The following CIROZ variants were observed in gnomAD, a reference collection of about 807,000 sequenced individuals.
CIROZ encodes the protein ciliated left-right organizer protein containing ZP-N domains, also known as ciliated left-right organizer ZP-N domains-containing protein.
the CIROZ span, among the ~76,000 whole-genome samples, chr1:10,971,290 T>C: frequency 6.6e-6 from 1 of 151,314 alleles, no homozygotes; most frequent in East Asian, 2.0e-4. Context: ...TGGTCACCCC[T>C]GACCCCAGCC....
the CIROZ span, among the ~76,000 whole-genome samples, chr1:10,950,991 C>T: frequency 1.3e-5 from 2 of 152,152 alleles, no homozygotes; most frequent in African/African-American, 2.4e-5. Context: ...CCAGGATTCT[C>T]CACCACTCCC....
chr1:10,951,745 A>AAAAATAT, the CIROZ span, among the ~76,000 whole-genome samples: 49 of 119,180 alleles, frequency 4.1e-4, no homozygotes, highest in South Asian at 2.0e-3. Context: ...AAAAAAAAAA[A>AAAAATAT]ATATATATAT....
chr1:10,961,269 C>T, the CIROZ span, among the ~76,000 whole-genome samples: 2 of 152,066 alleles, frequency 1.3e-5, no homozygotes, highest in Non-Finnish European at 1.5e-5. Flanking sequence ...CCCTGGCAGC[C>T]CTGCTTGGGG....
chr1:10,960,314 G>A, the CIROZ span, among the ~76,000 whole-genome samples: 6 of 152,290 alleles, frequency 3.9e-5, no homozygotes, highest in South Asian at 1.2e-3. The surrounding 1 kb of genome is among the most constrained non-coding windows in gnomAD (Gnocchi z 4.6). Flanking sequence ...TGAGGCACGA[G>A]GTTCGCTTCA....
chr1:10,954,408 C>T, the CIROZ span, among the ~76,000 whole-genome samples: 61 of 149,764 alleles, frequency 4.1e-4, no homozygotes, highest in East Asian at 6.1e-3. Context: ...GAGCCGAGAT[C>T]GCGCCACTGC....
At chr1:10,964,071 G>A in the CIROZ span, 2 of 1,595,500 alleles carry the variant, frequency 1.3e-6, no homozygotes, top group African/African-American at 2.7e-5. Context: ...GGCCTTTAGA[G>A]AGAAGCCCAG....
chr1:10,981,073 C>G, the CIROZ span, among the ~76,000 whole-genome samples: 1 of 152,240 alleles, frequency 6.6e-6, no homozygotes, highest in Admixed American at 6.5e-5. Context: ...GGCTTCACTT[C>G]CCACTCTCAG....
chr1:10,957,582 C>T, the CIROZ span: 1 of 1,610,340 alleles, frequency 6.2e-7, no homozygotes, highest in Non-Finnish European at 8.5e-7. Flanking sequence ...AGAGGCCCCT[C>T]ACCTCCTGGC....
the CIROZ span, among the ~76,000 whole-genome samples, chr1:10,955,825 C>T: frequency 8.9e-6 from 1 of 112,504 alleles, no homozygotes; most frequent in Non-Finnish European, 1.8e-5. Flanking sequence ...ACCTGGGCAA[C>T]AAGAGTGAAA....
At chr1:10,972,739 G>A in the CIROZ span, among the ~76,000 whole-genome samples, 1 of 152,036 alleles carries the variant, frequency 6.6e-6, no homozygotes, top group Admixed American at 6.6e-5. Context: ...GCCCCTCCTG[G>A]GTGAAAGCAA....
the CIROZ span, chr1:10,964,369 A>C: frequency 7.4e-7 from 1 of 1,352,320 alleles, no homozygotes; most frequent in African/African-American, 1.5e-5. Context: ...CAAATAGGAC[A>C]CCATGAACCT....
At chr1:10,950,936 TA>T in the CIROZ span, among the ~76,000 whole-genome samples, 3 of 152,350 alleles carry the variant, frequency 2.0e-5, no homozygotes, top group African/African-American at 7.2e-5. Context: ...CAGCTCCAGC[TA>T]AGCGAGGCTG....
chr1:10,955,077 T>C, the CIROZ span: 1 of 1,614,058 alleles, frequency 6.2e-7, no homozygotes, highest in Non-Finnish European at 8.5e-7. Flanking sequence ...ACTGGTGGAC[T>C]CGGAGGAATC....
the CIROZ span, chr1:10,948,380 A>G: frequency 6.2e-7 from 1 of 1,613,044 alleles, no homozygotes; most frequent in East Asian, 2.2e-5. Flanking sequence ...GGAACTCCTC[A>G]CTGGCTTGGC....
At chr1:10,962,233 G>T in the CIROZ span, among the ~76,000 whole-genome samples, 1 of 152,106 alleles carries the variant, frequency 6.6e-6, no homozygotes, top group African/African-American at 2.4e-5. Flanking sequence ...ATCACTTGAG[G>T]TCAGGAGTTC....
the CIROZ span, among the ~76,000 whole-genome samples, chr1:10,972,448 C>CACAT: frequency 6.6e-6 from 1 of 151,606 alleles, no homozygotes; most frequent in African/African-American, 2.4e-5. Flanking sequence ...CACACACACA[C>CACAT]ACACACACAC....
chr1:10,963,658 C>T, the CIROZ span, among the ~76,000 whole-genome samples: 1 of 151,980 alleles, frequency 6.6e-6, no homozygotes, highest in Non-Finnish European at 1.5e-5. Flanking sequence ...GGGGCTCAAC[C>T]TTTCTTCCCT....
chr1:10,978,109 CA>C, the CIROZ span, among the ~76,000 whole-genome samples: 1 of 150,134 alleles, frequency 6.7e-6, no homozygotes, highest in African/African-American at 2.5e-5. Context: ...GCGGAAGTCG[CA>C]GTGAGCTGAG....
chr1:10,981,782 A>T, the CIROZ span, among the ~76,000 whole-genome samples: 9 of 152,168 alleles, frequency 5.9e-5, no homozygotes, highest in African/African-American at 1.9e-4. Context: ...TTCCAGAACA[A>T]GGGATGACAG....
Sources: allele counts gnomAD v4.1 joint callset (sites outside exome capture counted in the v4.1 genomes callset), GRCh38; gene constraint gnomAD v4.1.1; non-coding constraint Gnocchi (gnomAD v3.1); transcripts MANE v1.5; gene names NCBI Gene and HGNC (gene_info 2026-07-23, HGNC 2026-07-21).